The following ITFG2 variants were observed in gnomAD, a reference collection of about 807,000 sequenced individuals.
ITFG2 encodes the protein KICSTOR complex protein ITFG2.
ITFG2 carries 36 observed loss-of-function variants against 54.4 expected under a neutral mutation model. The ratio of observed to expected loss-of-function variants is 0.66; its 90% CI spans 0.51 to 0.87. The LOEUF (loss-of-function observed/expected upper bound fraction) is 0.87, where lower values mean the gene tolerates loss of function less well. Ranked by LOEUF, ITFG2 falls within the 40% of genes least tolerant of loss-of-function variation. The pLI is 0.00. For missense variants in ITFG2, 524 were observed against 576.7 expected, an observed-to-expected ratio of 0.91 and a Z score of 0.94; for synonymous variants, 211 against 225.4, an observed-to-expected ratio of 0.94 and a Z score of 0.57.
chr12:2,830,976 T>G, downstream of ITFG2: 1 of 1,015,902 alleles, frequency 9.8e-7, no homozygotes, highest in South Asian at 1.7e-5. Context: ...GCCCTGAGCC[T>G]TACCCTAGGA....
chr12:2,859,057 T>C, intron 3 of ITFG2: 2 of 1,608,406 alleles, frequency 1.2e-6, no homozygotes, highest in East Asian at 2.2e-5. Context: ...GGCGTGAGCC[T>C]CCAGGATTCA....
At chr12:2,851,141 C>T (rs1323311985) in intron 2 of ITFG2, among the ~76,000 whole-genome samples, 2 of 150,130 alleles carry the variant, frequency 1.3e-5, no homozygotes, top group Admixed American at 6.7e-5. Context: ...CCAGCCTGGG[C>T]GACAAGAGCG....
chr12:2,834,901 C>A (rs771495123), upstream of ITFG2: 1 of 1,613,836 alleles, frequency 6.2e-7, no homozygotes, highest in African/African-American at 1.3e-5. Flanking sequence ...TCTGCTTCTT[C>A]CTGCCTGTCT....
At chr12:2,859,128 G>T (rs759192397) in intron 3 of ITFG2, 1 of 1,606,320 alleles carries the variant, frequency 6.2e-7, no homozygotes, top group South Asian at 1.1e-5. Context: ...TTCCTTAATG[G>T]GTGTCTTAAA....
chr12:2,842,336 T>C lies in ITFG2; in HGVS notation n.300+1341T>C, dbSNP rs548184107. ...CAGAGTTTCACCATATTAGCCAGGA[T>C]GGTCTTGATCTCCTGATCTCGTAAT... On this transcript the variant is annotated intron_variant and non_coding_transcript_variant, in intron 2 of 3. Coordinates refer to the ITFG2 transcript ENST00000537710. 3.3e-5 allele frequency among the ~76,000 whole-genome samples: 5 copies of C among 151,048 alleles called. No homozygotes were observed. In the East Asian group the frequency reaches 1.0e-3, roughly 30 times the overall value.
At chr12:2,856,100 C>T (rs1404392972) in intron 2 of ITFG2, among the ~76,000 whole-genome samples, 1 of 152,146 alleles carries the variant, frequency 6.6e-6, no homozygotes, top group African/African-American at 2.4e-5. Context: ...TAAATACTTA[C>T]ATGGATCTTA....
intron 2 of ITFG2, chr12:2,854,802 G>C (rs1365865909): frequency 1.4e-5 from 18 of 1,304,530 alleles, no homozygotes; most frequent in Non-Finnish European, 1.7e-5. Context: ...AGCGGGGAAG[G>C]ACAGAGTCCC....
At chr12:2,834,997 C>T (rs747148969), upstream of ITFG2, 7 of 1,541,898 alleles carry the variant, frequency 4.5e-6, no homozygotes, top group African/African-American at 2.7e-5. Context: ...GGAGCAGCCG[C>T]GTCAGTCTCC....
At chr12:2,851,901 A>G (rs2098072327) in intron 2 of ITFG2, among the ~76,000 whole-genome samples, 1 of 150,254 alleles carries the variant, frequency 6.7e-6, no homozygotes, top group Admixed American at 6.6e-5. Context: ...CTGGTCTTGA[A>G]CTCCTTACCT....
chr12:2,852,550 T>C (rs2098074432), intron 2 of ITFG2, among the ~76,000 whole-genome samples: 1 of 152,106 alleles, frequency 6.6e-6, no homozygotes, highest in African/African-American at 2.4e-5. Flanking sequence ...GATATTTTTG[T>C]GGAGACGGGG....
upstream of ITFG2, among the ~76,000 whole-genome samples, chr12:2,833,402 G>A (rs369781707): frequency 9.2e-5 from 14 of 152,234 alleles, no homozygotes; most frequent in African/African-American, 3.1e-4. Flanking sequence ...CCCTTTTCTC[G>A]TTGGGAGCTA....
intron 5 of ITFG2, among the ~76,000 whole-genome samples, 157 bp from the exon 6 acceptor site, chr12:2,820,563 ATCCT>A (rs750315569): frequency 4.6e-5 from 7 of 151,882 alleles, no homozygotes; most frequent in Non-Finnish European, 8.8e-5. Flanking sequence ...GAAACTCGAA[ATCCT>A]TCCTCCTGCT....
chr12:2,840,476 A>C (rs115370887), intron 1 of ITFG2, among the ~76,000 whole-genome samples: 4,023 of 149,818 alleles, frequency 0.027, 176 homozygotes, highest in African/African-American at 0.094. Flanking sequence ...AAAAGGATTT[A>C]ATTTCTTCCC....
At chr12:2,813,152 T>G (rs2097913297) in intron 1 of ITFG2, among the ~76,000 whole-genome samples, 1 of 152,170 alleles carries the variant, frequency 6.6e-6, no homozygotes, top group African/African-American at 2.4e-5. Flanking sequence ...TTCTCCTACC[T>G]CAGCCTCCCA....
intron 1 of ITFG2, among the ~76,000 whole-genome samples, chr12:2,838,507 CTTTGGAG>C (rs1374041725): frequency 6.6e-6 from 1 of 152,128 alleles, no homozygotes; most frequent in East Asian, 1.9e-4. Context: ...AGAATGGAGA[CTTTGGAG>C]TTTGGAGTTT....
At chr12:2,831,638 C>G (rs1486430960), downstream of ITFG2, among the ~76,000 whole-genome samples, 1 of 152,078 alleles carries the variant, frequency 6.6e-6, no homozygotes, top group Non-Finnish European at 1.5e-5. Flanking sequence ...TGGGAGTCAT[C>G]TTTGACCTGT....
chr12:2,812,998 A>G, intron 1 of ITFG2, 142 bp downstream of exon 1: 1 of 630,678 alleles, frequency 1.6e-6, no homozygotes, highest in East Asian at 2.7e-5. Context: ...GAAAAACTTT[A>G]TTGATAGCTT....
At position 2,818,190 on chromosome 12, in the gene ITFG2, C is replaced by T. The variant is rs1052032525; in HGVS notation, c.319C>T (p.His107Tyr). The part of the protein sequence containing the change: ...PAKVLDASGH[H>Y]ETLIGEEQRP... ...CAAGGTGTTGGATGCTTCTGGGCAC[C>T]ACGAGACACTAATCGGAGAGGAGCA... is the stretch of plus-strand genomic sequence containing the variant. Residue 107 changes from histidine to tyrosine, a missense_variant, in exon 4 of 12, where the codon CAC becomes TAC. His to Tyr is a moderately conservative substitution (Grantham distance 83, BLOSUM62 2). Transcript: ENST00000228799. The T allele has an allele frequency of 3.1e-6, 5 of 1,614,132 alleles. No individual in the cohort carries two copies. Among genetic ancestry groups the T allele is most frequent in the Admixed American group, 1.7e-5 (1 of 60,012 alleles).
upstream of ITFG2, among the ~76,000 whole-genome samples, chr12:2,832,689 C>G (rs1053581577): frequency 5.3e-5 from 8 of 150,598 alleles, no homozygotes; most frequent in Non-Finnish European, 7.4e-5. Context: ...CCCCATTAGC[C>G]TGGAGAGCGC....
Sources: gnomAD v4.1 joint callset for allele counts (sites outside exome capture counted in the v4.1 genomes callset) on GRCh38, gnomAD v4.1.1 for gene constraint, MANE v1.5 for transcripts, NCBI Gene and HGNC (gene_info 2026-07-23, HGNC 2026-07-21) for gene names.